Variants in TENM3 observed in about 807,000 individuals in gnomAD.
The protein encoded by TENM3 is teneurin transmembrane protein 3.
In TENM3, 63 loss-of-function variants were observed where a neutral mutation model predicts 255.1. The observed-to-expected ratio is 0.25, with a 90% CI of 0.20 to 0.30. TENM3 has a LOEUF of 0.30. Among genes scored for constraint, TENM3 ranks in the 10% least tolerant of loss-of-function variants. The pLI is 1.00. For synonymous variants in TENM3, 1,306 were observed against 1,322.3 expected (o/e 0.99, Z 0.27); for missense variants, 2,929 against 3,461.1 (o/e 0.85, Z 3.86).
rs995380904 is a variant in TENM3 at position 182,712,422 on chromosome 4, G to A, written c.2222-1665G>A. Among the ~76,000 whole-genome samples the A allele has an allele frequency of 4.7e-4, 68 of 145,994 alleles. No individual in the cohort carries two copies. The Middle Eastern group carries it at 0.011, about 23-fold the overall frequency. On this transcript the variant is annotated intron_variant, in intron 12 of 27. Coordinates refer to ENST00000511685, the MANE Select transcript of TENM3 (RefSeq NM_001080477.4). ...TGTCAGTGGGGCAATTCAACCTTTCGTTTTCATTAAAAAAAAAAAAAAAAA... is the reference window on the plus strand; with the variant it reads ...TGTCAGTGGGGCAATTCAACCTTTCATTTTCATTAAAAAAAAAAAAAAAAA...
At chr4:181,820,175 G>C in the TENM3 span, 1 of 152,118 alleles carries the variant, frequency 6.6e-6, no homozygotes, top group Non-Finnish European at 1.5e-5. Context: ...GCTTGGAGCA[G>C]CTCCTAACTC....
At chr4:181,780,505 T>A in the TENM3 span, among the ~76,000 whole-genome samples, 1 of 152,228 alleles carries the variant, frequency 6.6e-6, no homozygotes, top group Non-Finnish European at 1.5e-5. Flanking sequence ...CTTGTAAATT[T>A]GTTTGAGTTA....
the TENM3 span, among the ~76,000 whole-genome samples, chr4:181,786,857 G>C: frequency 6.6e-6 from 1 of 152,060 alleles, no homozygotes; most frequent in Non-Finnish European, 1.5e-5. Context: ...TCAGTGTTTG[G>C]GGGTAGAGCT....
At chr4:181,448,326 T>C in the TENM3 span, among the ~76,000 whole-genome samples, 544 of 125,946 alleles carry the variant, frequency 4.3e-3, 34 homozygotes, top group Admixed American at 7.4e-3. Flanking sequence ...CGCCCACCAC[T>C]ACGCCCGGCT....
At chr4:182,028,993 G>A in the TENM3 span, among the ~76,000 whole-genome samples, 1 of 152,076 alleles carries the variant, frequency 6.6e-6, no homozygotes, top group Non-Finnish European at 1.5e-5. Context: ...TACTGTATTA[G>A]TCGATTTTCA....
At chr4:182,647,190 T>C (rs1752831475) in intron 5 of TENM3, among the ~76,000 whole-genome samples, 1 of 152,222 alleles carries the variant, frequency 6.6e-6, no homozygotes, top group South Asian at 2.1e-4. Context: ...AACGATTTTC[T>C]GCAGGGTGAC....
At chr4:182,509,664 G>A (rs1370028033) in intron 3 of TENM3, among the ~76,000 whole-genome samples, 1 of 152,116 alleles carries the variant, frequency 6.6e-6, no homozygotes, top group East Asian at 1.9e-4. Context: ...TGGGTCAGAC[G>A]CAGTGGCTCA....
At chr4:182,452,191 G>C (rs1773516153) in intron 3 of TENM3, among the ~76,000 whole-genome samples, 1 of 152,218 alleles carries the variant, frequency 6.6e-6, no homozygotes, top group African/African-American at 2.4e-5. Context: ...TAACACTTGA[G>C]AAATAGGATG....
At chr4:182,169,368 C>G (rs936228540) in intron 1 of TENM3, 19 of 457,100 alleles carry the variant, frequency 4.2e-5, no homozygotes, top group Non-Finnish European at 8.5e-5. Flanking sequence ...GGAGAGACAG[C>G]AGGATTCTCC....
chr4:181,892,988 A>T, the TENM3 span, among the ~76,000 whole-genome samples: 2 of 152,142 alleles, frequency 1.3e-5, no homozygotes, highest in African/African-American at 4.8e-5. Context: ...AGTTTCTGGG[A>T]TGTTTCCCCA....
the TENM3 span, among the ~76,000 whole-genome samples, chr4:181,998,431 G>T: frequency 1.3e-5 from 2 of 152,138 alleles, no homozygotes; most frequent in African/African-American, 2.4e-5. Context: ...CTTTTACTCC[G>T]AGATGTCCTA....
the TENM3 span, among the ~76,000 whole-genome samples, chr4:182,076,668 T>G: frequency 6.6e-6 from 1 of 152,220 alleles, no homozygotes; most frequent in Non-Finnish European, 1.5e-5. Flanking sequence ...TTTTGGGGGC[T>G]GTATGGCTGT....
At chr4:181,542,125 T>A in the TENM3 span, among the ~76,000 whole-genome samples, 1 of 152,204 alleles carries the variant, frequency 6.6e-6, no homozygotes, top group Non-Finnish European at 1.5e-5. Flanking sequence ...ACAAGATATT[T>A]CATGCTATGA....
the TENM3 span, among the ~76,000 whole-genome samples, chr4:181,652,080 T>C: frequency 2.6e-5 from 4 of 151,646 alleles, no homozygotes; most frequent in Admixed American, 2.6e-4. Context: ...TTCTGTCAAA[T>C]TGTTTCTCTT....
chr4:181,521,277 C>T, the TENM3 span, among the ~76,000 whole-genome samples: 1 of 152,244 alleles, frequency 6.6e-6, no homozygotes, highest in East Asian at 1.9e-4. Context: ...CTTCTTCATT[C>T]AGATGAGGTT....
chr4:182,723,292 A>G (rs1490359261), intron 13 of TENM3, among the ~76,000 whole-genome samples: 1 of 152,216 alleles, frequency 6.6e-6, no homozygotes, highest in East Asian at 1.9e-4. Context: ...TTTCATGCAT[A>G]TTACAGAATG....
At chr4:181,984,107 T>C in the TENM3 span, among the ~76,000 whole-genome samples, 1 of 152,020 alleles carries the variant, frequency 6.6e-6, no homozygotes, top group African/African-American at 2.4e-5. Flanking sequence ...TCTGTGGGAC[T>C]CCTAAAGCTT....
the TENM3 span, among the ~76,000 whole-genome samples, chr4:181,893,535 T>C: frequency 8.5e-6 from 1 of 117,126 alleles, no homozygotes; most frequent in Admixed American, 1.2e-4. Flanking sequence ...GCATCCAGTA[T>C]TTTGTGGTTT....
the TENM3 span, among the ~76,000 whole-genome samples, chr4:181,498,974 A>G: frequency 2.6e-5 from 4 of 152,248 alleles, no homozygotes; most frequent in African/African-American, 9.6e-5. Flanking sequence ...TAGAATTGAA[A>G]TACAGTTGTT....
Sources: gnomAD v4.1 joint callset for allele counts (sites outside exome capture counted in the v4.1 genomes callset) on GRCh38, gnomAD v4.1.1 for gene constraint, MANE v1.5 for transcripts, NCBI Gene and HGNC (gene_info 2026-07-23, HGNC 2026-07-21) for gene names.